Variants in DHRSX observed in about 807,000 individuals in gnomAD.
The protein encoded by DHRSX is dehydrogenase/reductase X-linked.
DHRSX carries 31 observed loss-of-function variants against 34.0 expected under a neutral mutation model. That is an observed-to-expected ratio of 0.91 (90% CI 0.69 to 1.23). DHRSX has a LOEUF of 1.23. Ranked by LOEUF, DHRSX falls within the 50% of genes most tolerant of loss-of-function variation. The probability of loss-of-function intolerance (pLI) is 0.00; values close to 1 mark genes in which losing one functional copy is unlikely to be tolerated. For synonymous variants in DHRSX, 201 were observed against 183.8 expected, an observed-to-expected ratio of 1.09 and a Z score of -0.76; for missense variants, 414 against 428.1, an observed-to-expected ratio of 0.97 and a Z score of 0.29.
chrX:2,456,972 G>A (rs2044307552), intron 1 of DHRSX, among the ~76,000 whole-genome samples: 1 of 151,620 alleles, frequency 6.6e-6, no homozygotes, highest in African/African-American at 2.4e-5. Context: ...AATGGGGTCA[G>A]GACAGTGGCT....
intron 3 of DHRSX, among the ~76,000 whole-genome samples, chrX:2,385,717 G>C (rs994124985): frequency 2.6e-5 from 4 of 151,996 alleles, no homozygotes; most frequent in African/African-American, 7.2e-5. Flanking sequence ...ACTAAGTCAG[G>C]AGTAATTTTT....
At chrX:2,476,909 G>A (rs868788978) in intron 1 of DHRSX, among the ~76,000 whole-genome samples, 41 of 152,080 alleles carry the variant, frequency 2.7e-4, no homozygotes, top group African/African-American at 8.9e-4. Flanking sequence ...GGCTGAGGCA[G>A]GAGAATCCCT....
rs780693788 is a variant in DHRSX at position 2,227,548 on chromosome X, AAAGGGAGAAAGGAGGGAAG to A, written c.805-6338_805-6320del. On this transcript the variant is annotated intron_variant, in intron 6 of 6. Transcript: ENST00000334651. Reference sequence around the variant, plus strand: ...AGAGAAGAAAGGAGGGAGGAAGAAAAAAGGGAGAAAGGAGGGAAGAAGGGAGGAAGGGAAGGATGAAAAA... The same window carrying A: ...AGAGAAGAAAGGAGGGAGGAAGAAAAAAGGGAGGAAGGGAAGGATGAAAAA... Among the ~76,000 whole-genome samples the A allele has an allele frequency of 6.2e-4, 83 of 133,058 alleles. 1 individual carries two copies. The South Asian group carries it at 0.022, about 35-fold the overall frequency. 87.3% of individuals were successfully genotyped at this position (133,058 alleles called of 152,430 possible).
chrX:2,485,781 AAAGGGAGAGAAGGGAGAG>A (rs1361495335), intron 1 of DHRSX, among the ~76,000 whole-genome samples: 4 of 11,714 alleles, frequency 3.4e-4, no homozygotes, highest in Non-Finnish European at 5.5e-4. Context: ...GGAAGGGAGA[AAAGGGAGAGAAGGGAGAG>A]AAGGAAGGAA....
chrX:2,470,759 A>C (rs1232201100), intron 1 of DHRSX, among the ~76,000 whole-genome samples: 1 of 152,154 alleles, frequency 6.6e-6, no homozygotes, highest in Non-Finnish European at 1.5e-5. Flanking sequence ...AAAACAAATG[A>C]ATTCCAAGTT....
chrX:2,334,933 A>T (rs527433811), intron 3 of DHRSX: 17 of 152,184 alleles, frequency 1.1e-4, no homozygotes, highest in African/African-American at 3.9e-4. Flanking sequence ...TAATCCCAGC[A>T]CTTTGGGAGG....
chrX:2,454,189 G>T (rs1449560933), intron 1 of DHRSX, among the ~76,000 whole-genome samples: 2 of 152,078 alleles, frequency 1.3e-5, no homozygotes, highest in African/African-American at 4.8e-5. Context: ...GACACAAGGG[G>T]TTCCAAGTTT....
chrX:2,352,802 AG>A (rs1424170205), intron 3 of DHRSX, among the ~76,000 whole-genome samples: 4 of 152,184 alleles, frequency 2.6e-5, no homozygotes, highest in African/African-American at 9.6e-5. Flanking sequence ...CAGTAGATGA[AG>A]GGCTATAGGG....
intron 3 of DHRSX, among the ~76,000 whole-genome samples, chrX:2,382,609 C>CCATCAT (rs1466921709): frequency 1.8e-5 from 1 of 55,508 alleles, no homozygotes; most frequent in South Asian, 5.4e-4. Context: ...ATCACCATCA[C>CCATCAT]CATCATCACC....
At chrX:2,328,274 T>C (rs376912702) in intron 3 of DHRSX, among the ~76,000 whole-genome samples, 30 of 151,130 alleles carry the variant, frequency 2.0e-4, no homozygotes, top group African/African-American at 7.3e-4. Flanking sequence ...AGCCACCCAG[T>C]CTATGGTATT....
At chrX:2,477,194 C>T (rs900334350) in intron 1 of DHRSX, among the ~76,000 whole-genome samples, 1 of 152,076 alleles carries the variant, frequency 6.6e-6, no homozygotes, top group African/African-American at 2.4e-5. Flanking sequence ...TCCACAAATC[C>T]CCAAGACCTA....
intron 3 of DHRSX, among the ~76,000 whole-genome samples, chrX:2,301,102 G>C (rs1358678480): frequency 2.0e-5 from 3 of 152,158 alleles, no homozygotes; most frequent in Non-Finnish European, 4.4e-5. Context: ...ATCACTCTAA[G>C]TTCTCGTGCT....
intron 3 of DHRSX, chrX:2,334,169 G>GTTTTTTTTTTTTTTTTTTTTTTTTTTTT (rs1326915674): frequency 2.5e-5 from 1 of 40,180 alleles, no homozygotes; most frequent in African/African-American, 1.5e-4. Context: ...TCAAAAGTAT[G>GTTTTTTTTTTTTTTTTTTTTTTTTTTTT]CTTTTTTTTT....
intron 1 of DHRSX, among the ~76,000 whole-genome samples, chrX:2,479,748 G>A (rs997948666): frequency 6.7e-6 from 1 of 150,108 alleles, no homozygotes; most frequent in Non-Finnish European, 1.5e-5. Flanking sequence ...CACTGAAGAC[G>A]TTCTCTAAGA....
At chrX:2,303,772 A>AATGGATGG (rs1205313955) in intron 3 of DHRSX, among the ~76,000 whole-genome samples, 2 of 61,716 alleles carry the variant, frequency 3.2e-5, no homozygotes, top group East Asian at 9.0e-4. Flanking sequence ...TGGATGGATA[A>AATGGATGG]ATGGATGGAT....
At chrX:2,486,264 G>GAGGA (rs1410389789) in intron 1 of DHRSX, 1 of 152,158 alleles carries the variant, frequency 6.6e-6, no homozygotes, top group African/African-American at 2.4e-5. Flanking sequence ...AGACAAGAAA[G>GAGGA]AGGAGCACAG....
intron 3 of DHRSX, among the ~76,000 whole-genome samples, chrX:2,329,962 T>C (rs575543130): frequency 4.0e-5 from 6 of 150,538 alleles, no homozygotes; most frequent in Admixed American, 2.7e-4. Flanking sequence ...GGTAAAACAA[T>C]CCAAGGGCAA....
chrX:2,352,288 C>T (rs1432406138), intron 3 of DHRSX, among the ~76,000 whole-genome samples: 5 of 151,978 alleles, frequency 3.3e-5, no homozygotes, highest in African/African-American at 7.3e-5. Context: ...TGCAAAGAAG[C>T]GAATGGGATA....
At chrX:2,289,891 C>T (rs73185752) in intron 4 of DHRSX, among the ~76,000 whole-genome samples, 24,400 of 152,138 alleles carry the variant, frequency 0.16, 2,648 homozygotes, top group Non-Finnish European at 0.23. Flanking sequence ...AAGTTAAAAT[C>T]ATTCCGGACC....
Sources: gnomAD v4.1 joint callset for allele counts (sites outside exome capture counted in the v4.1 genomes callset) on GRCh38, gnomAD v4.1.1 for gene constraint, MANE v1.5 for transcripts, NCBI Gene and HGNC (gene_info 2026-07-23, HGNC 2026-07-21) for gene names.